Variants in ZNF277 observed in about 807,000 individuals in gnomAD.
ZNF277 encodes the protein zinc finger protein 277, also known as nuclear receptor-interacting factor 4.
ZNF277 carries 55 observed loss-of-function variants against 60.7 expected under a neutral mutation model. That is an observed-to-expected ratio of 0.91 (90% CI 0.73 to 1.13). The LOEUF (loss-of-function observed/expected upper bound fraction) is 1.13, where lower values mean the gene tolerates loss of function less well. Ranked by LOEUF, ZNF277 falls within the 50% of genes most tolerant of loss-of-function variation. ZNF277 has a pLI of 0.00. For missense variants in ZNF277, 510 were observed against 523.0 expected, an observed-to-expected ratio of 0.98 and a Z score of 0.24; for synonymous variants, 178 against 179.3, an observed-to-expected ratio of 0.99 and a Z score of 0.06.
intron 4 of ZNF277, among the ~76,000 whole-genome samples, chr7:112,298,339 G>A (rs1370128999): frequency 6.6e-6 from 1 of 152,162 alleles, no homozygotes. Context: ...TCTTAACAAT[G>A]AGAAGGATTT....
At position 112,242,570 on chromosome 7, in the gene ZNF277, A is replaced by T. The variant is rs1052576953; in HGVS notation, c.91+35763A>T. Among the ~76,000 whole-genome samples, 55 of 136,822 alleles carry T rather than the reference A, an allele frequency of 4.0e-4. No individual in the cohort carries two copies. In the East Asian group the frequency reaches 4.3e-3, roughly 11 times the overall value. 89.8% of individuals were successfully genotyped at this position (136,822 alleles called of 152,430 possible). The stretch of plus-strand genomic sequence containing the variant: ...TATAATAGCTACCAAAAAAAAAAAA[A>T]AAACAAAATAAAATAAAATACCTAG... On this transcript the variant is annotated intron_variant, in intron 1 of 11. Transcript: ENST00000361822.
rs570946964 is a variant in ZNF277, at chr7:112,312,291, G to A, written c.466-5891G>A. ...TTATTTTGTAATTTAAGATTTAGACGTAGAATACCTCACAACCAAATGAAA... is the reference window on the plus strand; with the variant it reads ...TTATTTTGTAATTTAAGATTTAGACATAGAATACCTCACAACCAAATGAAA... On this transcript the variant is annotated intron_variant, in intron 4 of 11. Coordinates refer to ENST00000361822, the MANE Select transcript of ZNF277 (RefSeq NM_021994.3). Among the ~76,000 whole-genome samples the A allele has an allele frequency of 1.1e-4, 17 of 152,180 alleles. No homozygotes were observed. The East Asian group carries it at 2.5e-3, about 22-fold the overall frequency.
chr7:112,296,881 A>ATTTTTATT (rs1792349992), intron 4 of ZNF277, among the ~76,000 whole-genome samples: 1 of 87,024 alleles, frequency 1.1e-5, no homozygotes, highest in Non-Finnish European at 2.8e-5. Flanking sequence ...TTATTTTCTT[A>ATTTTTATT]TTTTTATTTT....
chr7:112,245,361 A>T (rs1350664118), intron 1 of ZNF277, among the ~76,000 whole-genome samples: 1 of 152,242 alleles, frequency 6.6e-6, no homozygotes, highest in Non-Finnish European at 1.5e-5. Flanking sequence ...CTCTCTTACC[A>T]TGGCTCTATA....
intron 1 of ZNF277, among the ~76,000 whole-genome samples, chr7:112,211,333 C>T (rs576861302): frequency 6.6e-6 from 1 of 152,310 alleles, no homozygotes; most frequent in South Asian, 2.1e-4. Context: ...TTTTTCTGCG[C>T]CTGTAGTATA....
intron 7 of ZNF277, 106 bp downstream of exon 7, chr7:112,330,322 T>G: frequency 8.9e-7 from 1 of 1,129,370 alleles, no homozygotes; most frequent in Non-Finnish European, 1.3e-6. Context: ...AAAGTCAAAA[T>G]GTAATTGAGG....
chr7:112,334,314 T>TG (rs1182999621), intron 7 of ZNF277, among the ~76,000 whole-genome samples: 1 of 152,052 alleles, frequency 6.6e-6, no homozygotes, highest in Non-Finnish European at 1.5e-5. Flanking sequence ...TTTAGTGATA[T>TG]GCCTTCCAAA....
At position 112,296,216 on chromosome 7, in the gene ZNF277, A is replaced by G. The variant is rs1255982436; in HGVS notation, c.383-13A>G. ...TATCTGTTTTCTTATTTGTTTTCCT[A>G]ATCTCTCAACAGAAGAACAAGAGAA... is the stretch of plus-strand genomic sequence containing the variant. On this transcript the variant is annotated splice_polypyrimidine_tract_variant and intron_variant, in intron 3 of 11. Coordinates refer to ENST00000361822, the MANE Select transcript of ZNF277 (RefSeq NM_021994.3). 1 of 1,522,690 alleles carries G rather than the reference A, an allele frequency of 6.6e-7. No homozygotes were observed. Among genetic ancestry groups the G allele is most frequent in the African/African-American group, 1.4e-5 (1 of 71,714 alleles). 94.3% of individuals were successfully genotyped at this position (1,522,690 alleles called of 1,614,324 possible). A position where few individuals can be genotyped will look rare whatever the true frequency, so the allele number is the denominator to read the frequency against.
intron 1 of ZNF277, among the ~76,000 whole-genome samples, chr7:112,241,970 C>A (rs760586958): frequency 5.9e-5 from 9 of 151,826 alleles, no homozygotes; most frequent in Non-Finnish European, 1.0e-4. Context: ...CAACAGAAAC[C>A]TATTGTACAT....
Position 112,296,297 on chromosome 7 carries a change from C to G in ZNF277, c.451C>G (p.Gln151Glu). 1 of 1,576,882 alleles carries G rather than the reference C, an allele frequency of 6.3e-7. No individual in the cohort carries two copies. Among genetic ancestry groups the G allele is most frequent in the Non-Finnish European group, 8.6e-7 (1 of 1,158,810 alleles). Residue 151 changes from glutamine (Q) to glutamate (E), a missense_variant, in exon 4 of 12, where the codon CAG becomes GAG. Coordinates refer to ENST00000361822, the MANE Select transcript of ZNF277 (RefSeq NM_021994.3). ...AGATAGAATTCTTAGAGAAGAGCTT[C>G]AGAAACAGAGACTGGTAAGAATTGT... is the stretch of plus-strand genomic sequence containing the variant. ...PEDRILREEL[Q>E]KQRLREILEQ...
At chr7:112,249,952 A>T (rs1195313689) in intron 1 of ZNF277, among the ~76,000 whole-genome samples, 6 of 152,134 alleles carry the variant, frequency 3.9e-5, no homozygotes, top group Non-Finnish European at 7.4e-5. Context: ...TGGGCTCCTT[A>T]AAAAAAGAAC....
Position 112,337,702 on chromosome 7 carries a change from G to A in ZNF277, c.870-28G>A, listed in dbSNP as rs375287546. ...TACTCTCTTAATGAAGGGAATCTCC[G>A]TATTTTCTCTCCTCTTTTTTAATTC... On this transcript the variant is annotated intron_variant, in intron 8 of 11. Transcript: ENST00000361822. 41 of 1,590,170 alleles carry A rather than the reference G, an allele frequency of 2.6e-5. No homozygotes were observed. The African/African-American group carries it at 3.0e-4, about 11-fold the overall frequency.
chr7:112,302,433 C>A (rs1277332711), intron 4 of ZNF277, among the ~76,000 whole-genome samples: 1 of 152,084 alleles, frequency 6.6e-6, no homozygotes, highest in Non-Finnish European at 1.5e-5. Context: ...ACTTTTCTTG[C>A]ATAATTCCTA....
intron 4 of ZNF277, among the ~76,000 whole-genome samples, chr7:112,305,232 A>G (rs62473139): frequency 0.023 from 3,568 of 152,152 alleles, 72 homozygotes; most frequent in Middle Eastern, 0.075. Flanking sequence ...AAAAATAATA[A>G]TAATAATAAT....
chr7:112,240,801 A>AT (rs2116992999), intron 1 of ZNF277, among the ~76,000 whole-genome samples: 1 of 152,344 alleles, frequency 6.6e-6, no homozygotes, highest in Admixed American at 6.5e-5. Flanking sequence ...CGATATCCAT[A>AT]TGCAGAAGCA....
chr7:112,321,989 T>C (rs1792992981), intron 5 of ZNF277, among the ~76,000 whole-genome samples: 1 of 152,034 alleles, frequency 6.6e-6, no homozygotes, highest in Non-Finnish European at 1.5e-5. Context: ...AATTTGAAAA[T>C]TGTTCAATTG....
intron 1 of ZNF277, among the ~76,000 whole-genome samples, chr7:112,279,108 A>C (rs1042594410): frequency 6.6e-6 from 1 of 152,190 alleles, no homozygotes; most frequent in Non-Finnish European, 1.5e-5. Flanking sequence ...TTGTCTATAC[A>C]TCTATTATTT....
intron 4 of ZNF277, among the ~76,000 whole-genome samples, chr7:112,306,387 A>G (rs1435407626): frequency 6.6e-6 from 1 of 151,588 alleles, no homozygotes; most frequent in East Asian, 1.9e-4. Context: ...GCTGCTTTTT[A>G]TATTTTTAGT....
intron 1 of ZNF277, among the ~76,000 whole-genome samples, chr7:112,227,784 T>C (rs1016827699): frequency 6.6e-6 from 1 of 152,162 alleles, no homozygotes; most frequent in Admixed American, 6.5e-5. Context: ...TGAATGGCTA[T>C]ATTATTATGT....
Sources: gnomAD v4.1 joint callset for allele counts (sites outside exome capture counted in the v4.1 genomes callset) on GRCh38, gnomAD v4.1.1 for gene constraint, MANE v1.5 for transcripts, NCBI Gene and HGNC (gene_info 2026-07-23, HGNC 2026-07-21) for gene names.